Variants in BLK observed in about 807,000 individuals in gnomAD.
BLK encodes BLK proto-oncogene, Src family tyrosine kinase.
Under a neutral mutation model 61.8 loss-of-function variants are expected in BLK, and 64 were observed. The ratio of observed to expected loss-of-function variants is 1.03; its 90% CI spans 0.85 to 1.27. The LOEUF (loss-of-function observed/expected upper bound fraction) is 1.27. Among genes scored for constraint, BLK ranks in the 50% most tolerant of loss-of-function variants. BLK has a pLI of 0.00. For missense variants in BLK, 853 were observed against 660.5 expected (o/e 1.29, Z -3.19); for synonymous variants, 351 against 272.0 (o/e 1.29, Z -2.86).
chr8:11,539,669 T>C (rs1384523778), intron 1 of BLK, among the ~76,000 whole-genome samples: 1 of 152,184 alleles, frequency 6.6e-6, no homozygotes, highest in Non-Finnish European at 1.5e-5. Context: ...TTTTGTCTAA[T>C]AAATATTTAT....
intron 1 of BLK, among the ~76,000 whole-genome samples, chr8:11,521,738 T>C (rs1799459074): frequency 6.6e-6 from 1 of 152,250 alleles, no homozygotes; most frequent in South Asian, 2.1e-4. Context: ...CTCCCCGGCA[T>C]GTGCATGAGG....
intron 1 of BLK, among the ~76,000 whole-genome samples, chr8:11,513,669 T>A (rs1799110702): frequency 6.6e-6 from 1 of 152,336 alleles, no homozygotes; most frequent in African/African-American, 2.4e-5. Flanking sequence ...GCAAAATTCA[T>A]ACCAAGTGAT....
At chr8:11,533,602 G>GA (rs1799986722) in intron 1 of BLK, among the ~76,000 whole-genome samples, 2 of 108,278 alleles carry the variant, frequency 1.8e-5, no homozygotes, top group African/African-American at 3.1e-5. Context: ...GGAGGAGGAG[G>GA]AGAAGGAGGA....
At chr8:11,517,509 G>A (rs1181602966) in intron 1 of BLK, among the ~76,000 whole-genome samples, 2 of 152,178 alleles carry the variant, frequency 1.3e-5, no homozygotes, top group Admixed American at 6.5e-5. Context: ...TGCCAAGCAC[G>A]CCTGGATGTT....
At chr8:11,499,333 A>G (rs1421050656) in intron 1 of BLK, among the ~76,000 whole-genome samples, 1 of 152,264 alleles carries the variant, frequency 6.6e-6, no homozygotes, top group Non-Finnish European at 1.5e-5. Flanking sequence ...TTCGCAGAAC[A>G]ACAAAATCAC....
chr8:11,555,352 C>A lies in BLK; in HGVS notation c.640C>A (p.Gln214Lys). 1 of 1,614,108 alleles carries A rather than the reference C, an allele frequency of 6.2e-7. No homozygotes were observed. Among genetic ancestry groups the A allele is most frequent in the Non-Finnish European group, 8.5e-7 (1 of 1,180,024 alleles). ...HYSKKGDGLC[Q>K]RLTLPCVRPA... Reference sequence around the variant, plus strand: ...TGCAGAGAAGGGGGATGGTCTATGCCAGAGGCTGACCCTGCCCTGTGTGCG... The same window carrying A: ...TGCAGAGAAGGGGGATGGTCTATGCAAGAGGCTGACCCTGCCCTGTGTGCG... Residue 214 changes from glutamine (Q) to lysine (K), a missense_variant, in exon 8 of 13, where the codon CAG becomes AAG. By Grantham distance (53) the Gln-to-Lys change is moderately conservative. Transcript: ENST00000259089.
At chr8:11,504,341 G>GAGGAAGGAAGGAAGGA (rs200525228) in intron 1 of BLK, among the ~76,000 whole-genome samples, 21 of 125,924 alleles carry the variant, frequency 1.7e-4, no homozygotes, top group African/African-American at 6.2e-4. Context: ...GAAAGGAAGG[G>GAGGAAGGAAGGAAGGA]AGGAAGGAAG....
chr8:11,536,539 C>T (rs1010330823), intron 1 of BLK, among the ~76,000 whole-genome samples: 1 of 151,970 alleles, frequency 6.6e-6, no homozygotes, highest in Non-Finnish European at 1.5e-5. Flanking sequence ...TACAGGCATG[C>T]GCCTGGCTAA....
intron 1 of BLK, among the ~76,000 whole-genome samples, chr8:11,497,247 G>A (rs1798392409): frequency 6.6e-6 from 1 of 152,156 alleles, no homozygotes; most frequent in Admixed American, 6.5e-5. Flanking sequence ...GTGATTACAT[G>A]TGGGCCTGCA....
intron 1 of BLK, among the ~76,000 whole-genome samples, chr8:11,524,574 A>T (rs1324582688): frequency 6.6e-6 from 1 of 152,258 alleles, no homozygotes; most frequent in Non-Finnish European, 1.5e-5. Flanking sequence ...ATATCGGAAG[A>T]CTTAGAAAGG....
chr8:11,547,985 C>A (rs976365880), intron 3 of BLK, 47 bp from the exon 4 acceptor site: 12 of 1,533,982 alleles, frequency 7.8e-6, no homozygotes, highest in Non-Finnish European at 1.1e-5. Flanking sequence ...CCCCACCTTC[C>A]CGCTTGTGGG....
chr8:11,504,598 C>T, intron 1 of BLK, among the ~76,000 whole-genome samples: 1 of 152,136 alleles, frequency 6.6e-6, no homozygotes, highest in East Asian at 1.9e-4. Context: ...GTCTTCGTAG[C>T]TAAATACTTT....
chr8:11,517,241 T>G (rs557786309), intron 1 of BLK, among the ~76,000 whole-genome samples: 70 of 152,318 alleles, frequency 4.6e-4, no homozygotes, highest in Non-Finnish European at 6.0e-4. Context: ...TGGCTGCCTG[T>G]GGACGGGAGA....
intron 10 of BLK, among the ~76,000 whole-genome samples, chr8:11,558,269 A>C (rs1801325833): frequency 6.6e-6 from 1 of 152,120 alleles, no homozygotes; most frequent in African/African-American, 2.4e-5. Context: ...CAGGGAATGG[A>C]GCCTTAGACC....
chr8:11,534,402 C>T (rs1429823867), intron 1 of BLK, among the ~76,000 whole-genome samples: 1 of 151,986 alleles, frequency 6.6e-6, no homozygotes. Context: ...CATGGTGTTC[C>T]CCCCCCAAAA....
At chr8:11,554,315 A>T in intron 6 of BLK, 1 of 253,382 alleles carries the variant, frequency 3.9e-6, no homozygotes, top group Non-Finnish European at 7.7e-6. Context: ...TGCAGCTGTG[A>T]ATGGCTATCT....
At chr8:11,529,680 C>T (rs12677843) in intron 1 of BLK, among the ~76,000 whole-genome samples, 40,487 of 152,034 alleles carry the variant, frequency 0.27, 7,085 homozygotes, top group East Asian at 0.64. Flanking sequence ...TTCTGGAATG[C>T]GCTGTTATTG....
Position 11,549,350 on chromosome 8 carries a change from G to A in BLK, c.368+228G>A, listed in dbSNP as rs193187235. On this transcript the variant is annotated intron_variant, in intron 5 of 12. Transcript: ENST00000259089. ...AGCCGCTCTTCCCAGCTAAACAAGA[G>A]CGGTCCTTCTCCTGGCTCCCCTGGA... Among the ~76,000 whole-genome samples the A allele has an allele frequency of 2.2e-3, 331 of 152,306 alleles. 1 individual carries two copies. Among genetic ancestry groups the A allele is most frequent in the Non-Finnish European group, 3.4e-3 (230 of 68,008 alleles).
chr8:11,532,385 A>G (rs912798616), intron 1 of BLK, among the ~76,000 whole-genome samples: 3 of 108,078 alleles, frequency 2.8e-5, no homozygotes, highest in Admixed American at 9.5e-5. Flanking sequence ...TTTTTTTTGT[A>G]TTTTTAGCAG....
Sources: allele counts gnomAD v4.1 joint callset (sites outside exome capture counted in the v4.1 genomes callset), GRCh38; gene constraint gnomAD v4.1.1; transcripts MANE v1.5; gene names NCBI Gene and HGNC (gene_info 2026-07-23, HGNC 2026-07-21).